Variants in ETS1 observed in about 807,000 individuals in gnomAD.
The protein encoded by ETS1 is ETS proto-oncogene 1, transcription factor, also known as protein C-ets-1.
In ETS1, 15 loss-of-function variants were observed where a neutral mutation model predicts 58.6. That is an observed-to-expected ratio of 0.26 (90% CI 0.17 to 0.39). The LOEUF (loss-of-function observed/expected upper bound fraction) is 0.39. Ranked by LOEUF, ETS1 falls within the 10% of genes least tolerant of loss-of-function variation. The probability of loss-of-function intolerance (pLI) is 1.00; values close to 1 mark genes in which losing one functional copy is unlikely to be tolerated. For synonymous variants in ETS1, 214 were observed against 218.2 expected, an observed-to-expected ratio of 0.98 and a Z score of 0.17; for missense variants, 417 against 610.5, an observed-to-expected ratio of 0.68 and a Z score of 3.34.
intron 3 of ETS1, among the ~76,000 whole-genome samples, chr11:128,553,134 A>C (rs1159168250): frequency 1.3e-5 from 2 of 152,190 alleles, no homozygotes; most frequent in Non-Finnish European, 2.9e-5. Flanking sequence ...CGAGAAGCTG[A>C]GACAGAAAGG....
At chr11:128,540,191 T>C (rs931117181) in intron 3 of ETS1, among the ~76,000 whole-genome samples, 2 of 151,848 alleles carry the variant, frequency 1.3e-5, no homozygotes, top group African/African-American at 4.8e-5. Context: ...CAGGCGCCTG[T>C]TATCCCAGCT....
chr11:128,499,064 C>T (rs1171026413), intron 3 of ETS1, among the ~76,000 whole-genome samples: 1 of 152,218 alleles, frequency 6.6e-6, no homozygotes, highest in Non-Finnish European at 1.5e-5. Flanking sequence ...GTTCTTCCCA[C>T]ATCTTACACT....
intron 7 of ETS1, among the ~76,000 whole-genome samples, chr11:128,480,799 A>T (rs1862465278): frequency 6.6e-6 from 1 of 152,174 alleles, no homozygotes; most frequent in South Asian, 2.1e-4. Context: ...CACACATGTT[A>T]TGATATGATT....
intron 3 of ETS1, chr11:128,521,997 T>C (rs1336197147): frequency 2.5e-6 from 4 of 1,590,532 alleles, no homozygotes; most frequent in Non-Finnish European, 3.4e-6. Flanking sequence ...GCCTTCATGG[T>C]GCCAGGAGTG....
chr11:128,489,110 T>C (rs573473309), intron 5 of ETS1, among the ~76,000 whole-genome samples, 180 bp downstream of exon 5: 1 of 152,150 alleles, frequency 6.6e-6, no homozygotes, highest in East Asian at 1.9e-4. Flanking sequence ...AAAAAGAAAT[T>C]ACACTCATCT....
intron 7 of ETS1, among the ~76,000 whole-genome samples, chr11:128,483,451 C>T (rs540253855): frequency 2.0e-5 from 3 of 152,278 alleles, no homozygotes; most frequent in Non-Finnish European, 4.4e-5. Flanking sequence ...CGTTTTAATG[C>T]TTTGACTCGC....
chr11:128,554,894 TCTCATGTC>T (rs1864288553), intron 3 of ETS1, among the ~76,000 whole-genome samples: 1 of 152,224 alleles, frequency 6.6e-6, no homozygotes, highest in South Asian at 2.1e-4. Context: ...GGATCACTTT[TCTCATGTC>T]CTCAAATTTT....
At position 128,462,393 on chromosome 11, in the gene ETS1, T is replaced by G. The variant is rs1411887000; in HGVS notation, c.1426A>C (p.Met476Leu). ...TCGGCATCTGGCTTGACGTCCAGCA[T>G]GGCGTGCAGCTCCTCAGGGGTGTAC... ...LGYTPEELHA[M>L]LDVKPDADE is the part of the protein sequence containing the mutation. Residue 476 changes from methionine to leucine, a missense_variant, in exon 10 of 10, where the codon ATG (methionine) becomes CTG (leucine). By Grantham distance (15) the Met-to-Leu change is conservative. Around this residue, in one of 4 missense-constraint regions of ETS1, gnomAD observed 56 missense variants for 156.1 expected, o/e 0.36. Coordinates refer to ENST00000392668, the MANE Select transcript of ETS1 (RefSeq NM_001143820.2). 5 of 1,613,746 alleles carry G rather than the reference T, an allele frequency of 3.1e-6. No individual in the cohort carries two copies. The African/African-American group carries it at 6.7e-5, about 22-fold the overall frequency.
intron 2 of ETS1, among the ~76,000 whole-genome samples, chr11:128,562,118 C>T (rs904959478): frequency 2.0e-5 from 3 of 152,214 alleles, no homozygotes; most frequent in Non-Finnish European, 4.4e-5. Context: ...AAAGGGTGGT[C>T]TTGGCCGGAC....
In ETS1 at chr11:128,573,110, A is replaced by G. The variant is rs913446974; in HGVS notation, c.21T>C (p.Ser7=). 6.9e-6 allele frequency: 11 copies of G among 1,598,160 alleles called. No individual in the cohort carries two copies. Among genetic ancestry groups the G allele is most frequent in the Non-Finnish European group, 9.4e-6 (11 of 1,172,346 alleles). The change falls in exon 2 of 10, where the codon TCT becomes TCC. Residue 7 remains serine (S), a synonymous_variant. Transcript: ENST00000392668. ...AGTAAGGGACGGGGCTGCTCCCAGC[A>G]GAATCCACAAAGTAGCTCATTCTGC... MSYFVD[S]AGSSPVPYSA...
chr11:128,474,834 C>A (rs1233009137), intron 8 of ETS1, among the ~76,000 whole-genome samples: 1 of 152,234 alleles, frequency 6.6e-6, no homozygotes, highest in African/African-American at 2.4e-5. Context: ...CACTCTGTTT[C>A]TGCCCTTCTC....
Position 128,573,132 on chromosome 11 carries a change from C to T in ETS1, c.-2G>A, listed in dbSNP as rs189047138. On this transcript the variant is annotated 5_prime_UTR_variant, in exon 2 of 10. Coordinates refer to ENST00000392668, the MANE Select transcript of ETS1 (RefSeq NM_001143820.2). ...AGCAGAATCCACAAAGTAGCTCATT[C>T]TGCTCTCAGCACCTGTGTGAGAGAA... 316 of 1,582,572 alleles carry T rather than the reference C, an allele frequency of 2.0e-4. 1 individual carries two copies. In the Middle Eastern group the frequency reaches 4.8e-3, roughly 24 times the overall value.
intron 3 of ETS1, among the ~76,000 whole-genome samples, chr11:128,496,102 A>C (rs532317881): frequency 2.0e-5 from 3 of 152,164 alleles, no homozygotes; most frequent in African/African-American, 7.2e-5. Flanking sequence ...AAGGGAGATC[A>C]TAGAGTTAAA....
At chr11:128,570,196 C>G (rs1864596123) in intron 2 of ETS1, among the ~76,000 whole-genome samples, 1 of 150,760 alleles carries the variant, frequency 6.6e-6, no homozygotes, top group Non-Finnish European at 1.5e-5. Flanking sequence ...AAACTAAGTA[C>G]ATATTTGTGT....
At chr11:128,562,399 A>G (rs1258335539) in intron 2 of ETS1, among the ~76,000 whole-genome samples, 1 of 151,994 alleles carries the variant, frequency 6.6e-6, no homozygotes, top group East Asian at 1.9e-4. Flanking sequence ...ACAGTGTGAG[A>G]CTCCATCTCA....
chr11:128,475,177 G>A lies in ETS1; in HGVS notation c.1123+5014C>T, dbSNP rs140814238. Among the ~76,000 whole-genome samples, 74 of 152,282 alleles carry A rather than the reference G, an allele frequency of 4.9e-4. 1 individual carries two copies. In the East Asian group the frequency reaches 0.013, roughly 27 times the overall value. ...TTACTCTTTCCTTATCACTAACTTA[G>A]GCTCATACCAAAAGTTTCCTCAGTT... is the stretch of plus-strand genomic sequence containing the variant. On this transcript the variant is annotated intron_variant, in intron 8 of 9. Coordinates refer to ENST00000392668, the MANE Select transcript of ETS1 (RefSeq NM_001143820.2).
chr11:128,571,395 T>C (rs1454529133), intron 2 of ETS1, among the ~76,000 whole-genome samples: 24 of 139,236 alleles, frequency 1.7e-4, no homozygotes, highest in East Asian at 1.5e-3. Context: ...CCAGCCTGGG[T>C]GACAGAGCGA....
intron 3 of ETS1, among the ~76,000 whole-genome samples, chr11:128,532,710 C>G (rs959694908): frequency 6.6e-6 from 1 of 151,914 alleles, no homozygotes; most frequent in Non-Finnish European, 1.5e-5. Flanking sequence ...ATCCTGCATA[C>G]ACAATACTGT....
chr11:128,473,840 T>C (rs1862251843), intron 8 of ETS1, among the ~76,000 whole-genome samples: 2 of 152,086 alleles, frequency 1.3e-5, no homozygotes, highest in African/African-American at 4.8e-5. Context: ...GGCAGGGTCA[T>C]CTGGGACACC....
Sources: gnomAD v4.1 joint callset for allele counts (sites outside exome capture counted in the v4.1 genomes callset) on GRCh38, gnomAD v4.1.1 for gene constraint, gnomAD v4.1.1 regional missense constraint, MANE v1.5 for transcripts, NCBI Gene and HGNC (gene_info 2026-07-23, HGNC 2026-07-21) for gene names.